Variants in CDKAL1 observed in about 807,000 individuals in gnomAD.
CDKAL1 encodes threonylcarbamoyladenosine tRNA methylthiotransferase.
CDKAL1 carries 32 observed loss-of-function variants against 68.2 expected under a neutral mutation model. The ratio of observed to expected loss-of-function variants is 0.47; its 90% confidence interval spans 0.35 to 0.63. The LOEUF is 0.63. CDKAL1 is among the 30% of genes least tolerant of loss of function. The probability of loss-of-function intolerance (pLI) is 0.00; values close to 1 mark genes in which losing one functional copy is unlikely to be tolerated. For synonymous variants in CDKAL1, 234 were observed against 244.3 expected (o/e 0.96, Z 0.39); for missense variants, 606 against 696.7 (o/e 0.87, Z 1.47).
chr6:20,585,623 C>T (rs1197355415), intron 4 of CDKAL1, among the ~76,000 whole-genome samples: 3 of 152,134 alleles, frequency 2.0e-5, no homozygotes, highest in East Asian at 1.9e-4. Context: ...GCATTTGCCA[C>T]AGCTTTTCAC....
At chr6:21,114,957 G>A (rs1459226365) in intron 13 of CDKAL1, among the ~76,000 whole-genome samples, 2 of 152,058 alleles carry the variant, frequency 1.3e-5, no homozygotes, top group Non-Finnish European at 2.9e-5. Context: ...ATCTACTAGT[G>A]TACAGTAAAA....
rs139954896 is a variant in CDKAL1, at chr6:20,739,547, G to A, written c.400G>A (p.Val134Ile). 2.5e-6 allele frequency: 4 copies of A among 1,612,440 alleles called. No individual in the cohort carries two copies. Among genetic ancestry groups the A allele is most frequent in the South Asian group, 1.1e-5 (1 of 90,904 alleles). The change falls in exon 6 of 16, where the codon GTA becomes ATA. Residue 134 changes from valine (V) to isoleucine (I), a missense_variant. Val to Ile is a conservative substitution (Grantham distance 29). Transcript: ENST00000274695. ...KKAQEENKKI[V>I]LAGCVPQAQP... Reference sequence around the variant, plus strand: ...AGCTCAAGAGGAGAACAAGAAAATCGTACTGGCTGGATGCGTTCCTCAAGC... The same window carrying A: ...AGCTCAAGAGGAGAACAAGAAAATCATACTGGCTGGATGCGTTCCTCAAGC...
chr6:20,947,044 A>G (rs1352022958), intron 9 of CDKAL1, among the ~76,000 whole-genome samples: 1 of 152,230 alleles, frequency 6.6e-6, no homozygotes, highest in Non-Finnish European at 1.5e-5. Flanking sequence ...GGTTTAGAAC[A>G]GTATCTGGTA....
At chr6:21,024,448 G>C (rs980194992) in intron 11 of CDKAL1, among the ~76,000 whole-genome samples, 1 of 151,848 alleles carries the variant, frequency 6.6e-6, no homozygotes, top group Admixed American at 6.6e-5. Context: ...AGGAACTCAA[G>C]ACCAGCCTGG....
intron 8 of CDKAL1, among the ~76,000 whole-genome samples, chr6:20,801,987 C>A (rs890042462): frequency 2.6e-5 from 4 of 152,026 alleles, no homozygotes; most frequent in Admixed American, 1.3e-4. Context: ...GCAATATTTG[C>A]TGTTAACCTT....
At chr6:20,902,329 A>G (rs1200531547) in intron 9 of CDKAL1, among the ~76,000 whole-genome samples, 3 of 148,818 alleles carry the variant, frequency 2.0e-5, no homozygotes, top group Admixed American at 1.3e-4. Context: ...ACACACACAC[A>G]CACACACACA....
chr6:21,035,781 G>C (rs1362834402), intron 11 of CDKAL1, among the ~76,000 whole-genome samples: 1 of 152,070 alleles, frequency 6.6e-6, no homozygotes, highest in South Asian at 2.1e-4. Context: ...CCTTGAAAAT[G>C]TATTTTCACA....
chr6:21,201,293 C>T lies in CDKAL1; in HGVS notation c.1548+19C>T, dbSNP rs375849000. On this transcript the variant is annotated intron_variant, in intron 15 of 15. Coordinates refer to ENST00000274695, the MANE Select transcript of CDKAL1 (RefSeq NM_017774.3). Reference sequence around the variant, plus strand: ...GACAAAGGTAAGTAAAAGATGCTCTCCTCTCTACCCTGCTAGTAAAACAGC... The same window carrying T: ...GACAAAGGTAAGTAAAAGATGCTCTTCTCTCTACCCTGCTAGTAAAACAGC... 9.7e-5 allele frequency: 153 copies of T among 1,581,426 alleles called. No individual in the cohort carries two copies. Among genetic ancestry groups the T allele is most frequent in the Non-Finnish European group, 1.3e-4 (148 of 1,155,836 alleles).
At chr6:20,897,062 C>CA (rs1761727190) in intron 9 of CDKAL1, among the ~76,000 whole-genome samples, 1 of 152,166 alleles carries the variant, frequency 6.6e-6, no homozygotes, top group African/African-American at 2.4e-5. Context: ...ATGGTGCCAA[C>CA]AGATTCAGTA....
chr6:20,966,488 G>A (rs1289107041), intron 10 of CDKAL1, among the ~76,000 whole-genome samples: 2 of 152,090 alleles, frequency 1.3e-5, no homozygotes, highest in Non-Finnish European at 2.9e-5. Flanking sequence ...TCACTTTTAG[G>A]ATCAGAGGAT....
At chr6:20,586,522 C>A (rs924368438) in intron 4 of CDKAL1, among the ~76,000 whole-genome samples, 2 of 152,106 alleles carry the variant, frequency 1.3e-5, no homozygotes, top group African/African-American at 4.8e-5. Flanking sequence ...CCTATAATCC[C>A]AGCTACTTGA....
chr6:20,980,210 TATA>T (rs1312945053), intron 10 of CDKAL1, among the ~76,000 whole-genome samples: 21 of 151,902 alleles, frequency 1.4e-4, no homozygotes, highest in Admixed American at 2.6e-4. Context: ...TAGATATAGA[TATA>T]GATATAGATA....
At chr6:20,663,724 A>G (rs1769397110) in intron 5 of CDKAL1, among the ~76,000 whole-genome samples, 1 of 152,180 alleles carries the variant, frequency 6.6e-6, no homozygotes, top group South Asian at 2.1e-4. Flanking sequence ...TCTGTGATAT[A>G]ATAATCATAA....
At chr6:20,815,281 C>T (rs1379873583) in intron 8 of CDKAL1, among the ~76,000 whole-genome samples, 1 of 151,924 alleles carries the variant, frequency 6.6e-6, no homozygotes, top group Non-Finnish European at 1.5e-5. Flanking sequence ...GTATCAGATA[C>T]TTTGTTTCTC....
intron 2 of CDKAL1, among the ~76,000 whole-genome samples, chr6:20,540,796 C>G (rs552059320): frequency 6.6e-6 from 1 of 152,302 alleles, no homozygotes; most frequent in South Asian, 2.1e-4. Context: ...ATTAGACATT[C>G]AAGCAGTGGT....
chr6:20,637,482 G>A (rs1015065584), intron 4 of CDKAL1, among the ~76,000 whole-genome samples: 1 of 152,110 alleles, frequency 6.6e-6, no homozygotes, highest in African/African-American at 2.4e-5. Flanking sequence ...AGAATCGCTT[G>A]AACCTGGGAG....
At chr6:20,681,547 A>T (rs915395693) in intron 5 of CDKAL1, among the ~76,000 whole-genome samples, 1 of 152,144 alleles carries the variant, frequency 6.6e-6, no homozygotes, top group East Asian at 1.9e-4. Context: ...CAGTTTACTT[A>T]TTCTCAGCCT....
chr6:20,774,693 G>A (rs946957017), intron 7 of CDKAL1, among the ~76,000 whole-genome samples: 14 of 152,194 alleles, frequency 9.2e-5, no homozygotes, highest in Admixed American at 4.6e-4. Flanking sequence ...TCAGTATTAT[G>A]AATTCAGAAA....
intron 9 of CDKAL1, among the ~76,000 whole-genome samples, chr6:20,947,671 T>C (rs984328242): frequency 5.9e-5 from 9 of 152,194 alleles, no homozygotes; most frequent in Admixed American, 2.6e-4. Context: ...TCATCATAGC[T>C]TAGCGTAGCC....
Sources: gnomAD v4.1 joint callset for allele counts (sites outside exome capture counted in the v4.1 genomes callset) on GRCh38, gnomAD v4.1.1 for gene constraint, MANE v1.5 for transcripts, NCBI Gene and HGNC (gene_info 2026-07-23, HGNC 2026-07-21) for gene names.